The following PNPLA1 variants were observed in gnomAD, a reference collection of about 807,000 sequenced individuals.
PNPLA1 encodes patatin like domain 1, omega-hydroxyceramide transacylase, also known as omega-hydroxyceramide transacylase.
A neutral mutation model predicts 51.7 loss-of-function variants in PNPLA1; 36 were observed. The ratio of observed to expected loss-of-function variants is 0.70; its 90% CI spans 0.53 to 0.92. The LOEUF (loss-of-function observed/expected upper bound fraction) is 0.92, where lower values mean the gene tolerates loss of function less well. Ranked by LOEUF, PNPLA1 falls within the 40% of genes least tolerant of loss-of-function variation. The pLI is 0.00. For missense variants in PNPLA1, 658 were observed against 682.5 expected, an observed-to-expected ratio of 0.96 and a Z score of 0.40; for synonymous variants, 293 against 280.1, an observed-to-expected ratio of 1.05 and a Z score of -0.46.
Position 36,293,127 on chromosome 6 carries a change from G to A in PNPLA1, c.504+1G>A, listed in dbSNP as rs773839493. On this transcript the variant is annotated splice_donor_variant, in intron 3 of 8. Transcript: ENST00000636260. LOFTEE classifies it high-confidence loss of function. ...CATCCCCCCGACTTACCGCGGTGTG[G>A]TGAGTGCTTCGGCATGGTGAGGGGT... 2.5e-6 allele frequency: 4 copies of A among 1,613,950 alleles called. No individual in the cohort carries two copies. Among genetic ancestry groups the A allele is most frequent in the Non-Finnish European group, 3.4e-6 (4 of 1,179,826 alleles).
intron 6 of PNPLA1, among the ~76,000 whole-genome samples, chr6:36,304,812 G>T (rs1039197918): frequency 1.3e-5 from 2 of 152,130 alleles, no homozygotes; most frequent in South Asian, 4.1e-4. Flanking sequence ...ATCGGGGGTG[G>T]ATAGAGGGCA....
Position 36,306,284 on chromosome 6 carries a change from A to T in PNPLA1, c.1385-8A>T. On this transcript the variant is annotated splice_polypyrimidine_tract_variant and splice_region_variant and intron_variant, in intron 6 of 8. Coordinates refer to ENST00000636260, the MANE Select transcript of PNPLA1 (RefSeq NM_001374623.1). Reference sequence around the variant, plus strand: ...TCTCACTCCCGTTTCCTATATCTTTACTTTTAGCTGTAGCTCTTCTTGTCT... The same window carrying T: ...TCTCACTCCCGTTTCCTATATCTTTTCTTTTAGCTGTAGCTCTTCTTGTCT... The T allele has an allele frequency of 6.2e-7, 1 of 1,605,668 alleles. No individual in the cohort carries two copies.
chr6:36,289,431 C>T (rs556186321), intron 1 of PNPLA1, among the ~76,000 whole-genome samples: 155 of 152,240 alleles, frequency 1.0e-3, no homozygotes, highest in African/African-American at 3.6e-3. Flanking sequence ...TTAGCTGCTG[C>T]CCTCCCTTGA....
rs538887550 is a variant in PNPLA1 at position 36,246,727 on chromosome 6, G to A, written c.-81+3466G>A. ...AATTCGAGCTCCGTCCTTTTGCCAC[G>A]GCTTTGAGCTCTGTTGAAACAAGAT... is the stretch of plus-strand genomic sequence containing the variant. On this transcript the variant is annotated intron_variant, in intron 1 of 7. Coordinates refer to the PNPLA1 transcript ENST00000312917. Among the ~76,000 whole-genome samples the A allele has an allele frequency of 3.3e-5, 5 of 152,162 alleles. No individual in the cohort carries two copies. In the East Asian group the frequency reaches 7.8e-4, roughly 24 times the overall value.
intron 4 of PNPLA1, among the ~76,000 whole-genome samples, 167 bp from the exon 5 acceptor site, chr6:36,295,197 C>T (rs1438652353): frequency 3.9e-5 from 6 of 152,196 alleles, no homozygotes; most frequent in Admixed American, 6.5e-5. Context: ...AATTGCTCCT[C>T]GGTTCTTCTT....
chr6:36,297,483 G>A (rs1285223370), intron 5 of PNPLA1, among the ~76,000 whole-genome samples: 2 of 152,038 alleles, frequency 1.3e-5, no homozygotes, highest in Non-Finnish European at 2.9e-5. Flanking sequence ...TCTGGGTAGG[G>A]GTCACCTCCA....
chr6:36,309,948 G>A (rs1216089988), intron 8 of PNPLA1, among the ~76,000 whole-genome samples: 1 of 152,198 alleles, frequency 6.6e-6, no homozygotes, highest in Admixed American at 6.5e-5. Flanking sequence ...CCAGTCCCCA[G>A]CTGATATCCC....
rs369823543 is a variant in PNPLA1 at position 36,274,472 on chromosome 6, C to T, written c.205+3808C>T. ...AAAAGTCTCATCGTTAGTTAGAAGC[C>T]GAAAAGGAACCAGGGCTAGATCTTT... On this transcript the variant is annotated intron_variant, in intron 1 of 8. Coordinates refer to ENST00000636260, the MANE Select transcript of PNPLA1 (RefSeq NM_001374623.1). 3.9e-5 allele frequency among the ~76,000 whole-genome samples: 6 copies of T among 152,138 alleles called. No homozygotes were observed. In the East Asian group the frequency reaches 5.8e-4, roughly 15 times the overall value.
intron 1 of PNPLA1, among the ~76,000 whole-genome samples, chr6:36,289,502 G>GCT: frequency 6.6e-6 from 1 of 152,026 alleles, no homozygotes. Context: ...AAACCGTAGG[G>GCT]CCTTTCTGCC....
At chr6:36,266,302 T>C (rs560592894), upstream of PNPLA1, among the ~76,000 whole-genome samples, 1 of 152,300 alleles carries the variant, frequency 6.6e-6, no homozygotes, top group East Asian at 1.9e-4. Context: ...TGCTTATTGT[T>C]TGAAAGTGCC....
At position 36,293,585 on chromosome 6, in the gene PNPLA1, C is replaced by G. The variant is rs529114277; in HGVS notation, c.504+459C>G. Among the ~76,000 whole-genome samples, 157 of 152,350 alleles carry G rather than the reference C, an allele frequency of 1.0e-3. 1 individual carries two copies. The highest frequency in any genetic ancestry group is 3.3e-3 in the African/African-American group (139 of 41,586). ...AGGCAGTGCCTGAGGGTCTGCGCCCCTAACCAGCCTCAGGTGCTGCCCGTG... is the reference window on the plus strand; with the variant it reads ...AGGCAGTGCCTGAGGGTCTGCGCCCGTAACCAGCCTCAGGTGCTGCCCGTG... On this transcript the variant is annotated intron_variant, in intron 3 of 8. Coordinates refer to ENST00000636260, the MANE Select transcript of PNPLA1 (RefSeq NM_001374623.1).
At chr6:36,257,815 A>G (rs144133138) in intron 1 of PNPLA1, among the ~76,000 whole-genome samples, 1 of 152,166 alleles carries the variant, frequency 6.6e-6, no homozygotes. Flanking sequence ...AATGTCAAGC[A>G]TCTTTGAACT....
chr6:36,272,330 T>A (rs1769940449), intron 1 of PNPLA1, among the ~76,000 whole-genome samples: 1 of 152,046 alleles, frequency 6.6e-6, no homozygotes, highest in Non-Finnish European at 1.5e-5. Flanking sequence ...CCTATAAGAA[T>A]CTAGTGCTGC....
At chr6:36,282,204 G>T (rs1252065171) in intron 1 of PNPLA1, among the ~76,000 whole-genome samples, 5 of 53,176 alleles carry the variant, frequency 9.4e-5, no homozygotes, top group Non-Finnish European at 1.8e-4. Flanking sequence ...AAGGAAGGAA[G>T]GAAGGAAGGG....
chr6:36,284,762 G>A (rs978991553), intron 1 of PNPLA1, among the ~76,000 whole-genome samples: 5 of 152,164 alleles, frequency 3.3e-5, no homozygotes, highest in Admixed American at 1.3e-4. Context: ...TGGGTGGGGC[G>A]ATGGGACAGT....
intron 1 of PNPLA1, among the ~76,000 whole-genome samples, chr6:36,258,334 C>T (rs115447567): frequency 3.3e-4 from 50 of 152,300 alleles, no homozygotes; most frequent in African/African-American, 1.2e-3. Flanking sequence ...CACGCCAGTA[C>T]AAGCGTGAGC....
intron 1 of PNPLA1, among the ~76,000 whole-genome samples, chr6:36,257,704 T>C (rs769207100): frequency 3.9e-5 from 6 of 152,250 alleles, no homozygotes; most frequent in Non-Finnish European, 8.8e-5. Context: ...TAATAGCTGC[T>C]TTAAAATTCT....
intron 2 of PNPLA1, 86 bp from the exon 3 acceptor site, chr6:36,292,975 T>G: frequency 8.4e-7 from 1 of 1,185,800 alleles, no homozygotes; most frequent in Non-Finnish European, 1.2e-6. Flanking sequence ...TCTGGGCTGG[T>G]GGTGGGTGGC....
chr6:36,261,418 C>G (rs1421099834), intron 1 of PNPLA1, among the ~76,000 whole-genome samples: 2 of 152,228 alleles, frequency 1.3e-5, no homozygotes, highest in Admixed American at 1.3e-4. Flanking sequence ...CCTAAAGAGC[C>G]TCTGAGGACA....
Sources: allele counts gnomAD v4.1 joint callset (sites outside exome capture counted in the v4.1 genomes callset), GRCh38; gene constraint gnomAD v4.1.1; transcripts MANE v1.5; gene names NCBI Gene and HGNC (gene_info 2026-07-23, HGNC 2026-07-21).